Variants in CCDC68 observed in about 807,000 individuals in gnomAD.
The protein encoded by CCDC68 is coiled-coil domain-containing protein 68.
A neutral mutation model predicts 47.1 loss-of-function variants in CCDC68; 45 were observed. The ratio of observed to expected loss-of-function variants is 0.96; its 90% confidence interval spans 0.75 to 1.23. The LOEUF (loss-of-function observed/expected upper bound fraction) is 1.23, where lower values mean the gene tolerates loss of function less well. Ranked by LOEUF, CCDC68 falls within the 50% of genes most tolerant of loss-of-function variation. CCDC68 has a pLI of 0.00. For synonymous variants in CCDC68, 131 were observed against 129.5 expected, an observed-to-expected ratio of 1.01 and a Z score of -0.08; for missense variants, 353 against 373.6, an observed-to-expected ratio of 0.94 and a Z score of 0.45.
intron 1 of CCDC68, among the ~76,000 whole-genome samples, chr18:54,955,157 A>G (rs1374783220): frequency 6.6e-6 from 1 of 150,892 alleles, no homozygotes; most frequent in African/African-American, 2.4e-5. Context: ...CCCATCTATG[A>G]AAAAAAAAAT....
chr18:54,934,302 A>T (rs1483567580), intron 7 of CCDC68, among the ~76,000 whole-genome samples: 4 of 152,226 alleles, frequency 2.6e-5, no homozygotes, highest in Admixed American at 2.0e-4. Flanking sequence ...TTCTCTAAAT[A>T]TGCCTTCTTA....
Position 54,903,229 on chromosome 18 carries a change from T to C in CCDC68, c.*1129A>G, listed in dbSNP as rs1336806895. On this transcript the variant is annotated 3_prime_UTR_variant, in exon 12 of 12. Coordinates refer to ENST00000591504, the MANE Select transcript of CCDC68 (RefSeq NM_025214.3). ...TGAGCAAATATTTAAAGTTATACAC[T>C]AGAGAGGAAGATCAAAGGCCTAAAG... is the stretch of plus-strand genomic sequence containing the variant. 6.6e-6 allele frequency: 1 copy of C among 152,176 alleles called. No individual in the cohort carries two copies. The highest frequency in any genetic ancestry group is 1.5e-5 in the Non-Finnish European group (1 of 68,014). The allele number at this position is 152,176 out of a possible 1,614,324, so 9.4% of individuals were successfully genotyped here. A position where few individuals can be genotyped will look rare whatever the true frequency, so the allele number is the denominator to read the frequency against.
intron 6 of CCDC68, among the ~76,000 whole-genome samples, chr18:54,935,684 C>T (rs2145543324): frequency 6.6e-6 from 1 of 152,268 alleles, no homozygotes; most frequent in South Asian, 2.1e-4. Flanking sequence ...TTCATCTGCA[C>T]CCAGCATGCA....
chr18:54,927,338 C>A (rs565045149), intron 8 of CCDC68, among the ~76,000 whole-genome samples: 1 of 152,174 alleles, frequency 6.6e-6, no homozygotes, highest in East Asian at 1.9e-4. Context: ...TTATTTATAA[C>A]AACTGCTTAT....
intron 1 of CCDC68, among the ~76,000 whole-genome samples, chr18:54,952,314 T>C (rs1005601175): frequency 6.6e-6 from 1 of 152,232 alleles, no homozygotes; most frequent in African/African-American, 2.4e-5. Flanking sequence ...CATTTGTGGC[T>C]CTATAAAATA....
chr18:54,954,948 A>C (rs575096843), intron 1 of CCDC68, among the ~76,000 whole-genome samples: 1 of 152,306 alleles, frequency 6.6e-6, no homozygotes, highest in South Asian at 2.1e-4. Context: ...TTGGAAAACT[A>C]TATTATTTAA....
chr18:54,920,041 T>C (rs2044029028), intron 8 of CCDC68, among the ~76,000 whole-genome samples: 1 of 152,278 alleles, frequency 6.6e-6, no homozygotes, highest in Admixed American at 6.5e-5. Flanking sequence ...TATTTATACT[T>C]TCCCAAAGCT....
rs1200556125 is a variant in CCDC68 at position 54,921,053 on chromosome 18, A to G, written c.684-1677T>C. On this transcript the variant is annotated intron_variant, in intron 8 of 11. Coordinates refer to ENST00000591504, the MANE Select transcript of CCDC68 (RefSeq NM_025214.3). ...AATTGTGCCTTTTGCAGCAACGTGG[A>G]TGCAACTGAAGGTCATCATCCTAAG... Among the ~76,000 whole-genome samples, 4 of 152,376 alleles carry G rather than the reference A, an allele frequency of 2.6e-5. No individual in the cohort carries two copies. In the East Asian group the frequency reaches 7.7e-4, roughly 29 times the overall value.
intron 4 of CCDC68, among the ~76,000 whole-genome samples, chr18:54,940,351 T>C (rs1244310388): frequency 6.6e-6 from 1 of 152,184 alleles, no homozygotes; most frequent in African/African-American, 2.4e-5. Context: ...AACCTTGTTT[T>C]CTAGTTTAGA....
rs926641311 is a variant in CCDC68 at position 54,938,670 on chromosome 18, T to C, written c.205-573A>G. Among the ~76,000 whole-genome samples the C allele has an allele frequency of 2.6e-5, 4 of 152,238 alleles. No homozygotes were observed. In the East Asian group the frequency reaches 7.7e-4, roughly 29 times the overall value. On this transcript the variant is annotated intron_variant, in intron 4 of 11. Transcript: ENST00000591504. ...TGGACACACGGAGGTGGATAATAAA[T>C]TGGAAACCACCTAACTTAAACTGTC...
intron 9 of CCDC68, among the ~76,000 whole-genome samples, chr18:54,918,341 G>A (rs1262801618): frequency 6.6e-6 from 1 of 152,216 alleles, no homozygotes; most frequent in African/African-American, 2.4e-5. Context: ...TGGTGGACAG[G>A]ATGCGAGACC....
intron 7 of CCDC68, 61 bp from the exon 8 acceptor site, chr18:54,928,943 C>T: frequency 2.3e-6 from 2 of 869,264 alleles, no homozygotes; most frequent in Non-Finnish European, 3.9e-6. Flanking sequence ...TAAGGCCTTC[C>T]TCTTGTCATA....
intron 10 of CCDC68, among the ~76,000 whole-genome samples, chr18:54,908,291 A>C (rs3819180): frequency 0.19 from 29,131 of 152,244 alleles, 3,405 homozygotes; most frequent in East Asian, 0.31. Context: ...CTTTACTATT[A>C]ATATAAGTTC....
At chr18:54,955,749 G>A (rs775581563) in intron 1 of CCDC68, among the ~76,000 whole-genome samples, 8 of 152,178 alleles carry the variant, frequency 5.3e-5, no homozygotes, top group South Asian at 2.1e-4. Flanking sequence ...GCAGAGTCTC[G>A]CTCTGTTGCC....
chr18:54,923,496 A>G (rs372948483), intron 8 of CCDC68, among the ~76,000 whole-genome samples: 161 of 152,290 alleles, frequency 1.1e-3, no homozygotes, highest in African/African-American at 3.8e-3. Flanking sequence ...TATTTCTAGA[A>G]GCACTCTTGA....
chr18:54,940,905 C>T, intron 4 of CCDC68, 92 bp downstream of exon 4: 1 of 825,588 alleles, frequency 1.2e-6, no homozygotes. Flanking sequence ...CAACACTCAT[C>T]CTTCGAATCT....
At chr18:54,945,779 T>C (rs11872768) in intron 1 of CCDC68, among the ~76,000 whole-genome samples, 2,254 of 152,336 alleles carry the variant, frequency 0.015, 55 homozygotes, top group African/African-American at 0.052. Flanking sequence ...AAACTGTGAA[T>C]GGAAGTACGT....
chr18:54,957,525 CAG>C (rs1419006443), intron 1 of CCDC68, among the ~76,000 whole-genome samples: 1 of 152,114 alleles, frequency 6.6e-6, no homozygotes, highest in Non-Finnish European at 1.5e-5. Context: ...ACACAGAACA[CAG>C]TGTCCTCAAT....
rs769812687 is a variant in CCDC68 at position 54,938,125 on chromosome 18, CCTGA to C, written c.205-32_205-29del. 19 of 1,592,922 alleles carry C rather than the reference CCTGA, an allele frequency of 1.2e-5. 1 individual carries two copies. The Admixed American group carries it at 2.3e-4, about 20-fold the overall frequency. On this transcript the variant is annotated intron_variant, in intron 4 of 11. Transcript: ENST00000591504. ...GAAACGGACAAATGAAAATCATAGA[CCTGA>C]CTATCTTTTCCTCTACAAACTTTGA...
Sources: gnomAD v4.1 joint callset for allele counts (sites outside exome capture counted in the v4.1 genomes callset) on GRCh38, gnomAD v4.1.1 for gene constraint, MANE v1.5 for transcripts, NCBI Gene and HGNC (gene_info 2026-07-23, HGNC 2026-07-21) for gene names.